FBRSL1: variants seen among roughly 807,000 people sequenced by gnomAD.
FBRSL1 encodes the protein fibrosin like 1.
FBRSL1 carries 51 observed loss-of-function variants against 89.6 expected under a neutral mutation model. That is an observed-to-expected ratio of 0.57 (90% CI 0.45 to 0.72). The LOEUF (loss-of-function observed/expected upper bound fraction) is 0.72, where lower values mean the gene tolerates loss of function less well. Ranked by LOEUF, FBRSL1 falls within the 30% of genes least tolerant of loss-of-function variation. The pLI is 0.00. For missense variants in FBRSL1, 1,618 were observed against 1,451.8 expected, an observed-to-expected ratio of 1.11 and a Z score of -1.86; for synonymous variants, 779 against 681.1, an observed-to-expected ratio of 1.14 and a Z score of -2.24.
At chr12:132,565,380 A>T (rs2039523672) in intron 5 of FBRSL1, 1 of 152,220 alleles carries the variant, frequency 6.6e-6, no homozygotes, top group South Asian at 2.1e-4. Flanking sequence ...CTACGTAAAC[A>T]CACATGTGAT....
rs374867877 is a variant in FBRSL1 at position 132,513,460 on chromosome 12, G to A, written c.489+5110G>A. ...GGGGATCTGGGGGAGGCTGCCCGCT[G>A]CCCGACTACAGAGACCCTGTTGCTG... On this transcript the variant is annotated intron_variant, in intron 2 of 18. Transcript: ENST00000680143. Among the ~76,000 whole-genome samples the A allele has an allele frequency of 1.6e-4, 24 of 152,260 alleles. No individual in the cohort carries two copies. The East Asian group carries it at 4.1e-3, about 26-fold the overall frequency.
chr12:132,572,410 G>GT, intron 10 of FBRSL1, 66 bp downstream of exon 10: 2 of 1,526,348 alleles, frequency 1.3e-6, no homozygotes, highest in Non-Finnish European at 1.8e-6. Flanking sequence ...GGGGCGGTGG[G>GT]TGGGGCTGCC....
chr12:132,566,988 C>T (rs1040606538), intron 5 of FBRSL1, among the ~76,000 whole-genome samples: 8 of 152,224 alleles, frequency 5.3e-5, no homozygotes, highest in Admixed American at 2.0e-4. Context: ...CCAGCCTGGT[C>T]GGTATCCTGG....
chr12:132,527,008 C>T (rs1410007045), intron 3 of FBRSL1, among the ~76,000 whole-genome samples: 2 of 152,078 alleles, frequency 1.3e-5, no homozygotes, highest in Non-Finnish European at 2.9e-5. Context: ...GAGGGATCCC[C>T]ACCAGAGGTG....
chr12:132,561,298 G>A (rs942899447), intron 5 of FBRSL1, among the ~76,000 whole-genome samples: 7 of 152,212 alleles, frequency 4.6e-5, no homozygotes, highest in Admixed American at 3.3e-4. Context: ...CGGCCCGTGC[G>A]GAAGACCCTC....
intron 2 of FBRSL1, among the ~76,000 whole-genome samples, chr12:132,519,312 G>T (rs980024722): frequency 1.3e-5 from 2 of 152,220 alleles, no homozygotes; most frequent in Admixed American, 1.3e-4. Context: ...AGCCTGGTTG[G>T]CATGTGGAGT....
intron 2 of FBRSL1, among the ~76,000 whole-genome samples, chr12:132,525,050 G>T (rs1357789731): frequency 2.0e-5 from 3 of 152,114 alleles, no homozygotes; most frequent in African/African-American, 7.2e-5. Context: ...GGTGTCAGGG[G>T]TGGTGGCGGT....
chr12:132,551,546 C>G (rs1224771619), intron 5 of FBRSL1: 6 of 456,206 alleles, frequency 1.3e-5, no homozygotes, highest in Non-Finnish European at 2.6e-5. Flanking sequence ...CATCCCACAC[C>G]TGCGGGTTTG....
At chr12:132,492,331 C>G (rs1474715697) in intron 1 of FBRSL1, among the ~76,000 whole-genome samples, 1 of 152,144 alleles carries the variant, frequency 6.6e-6, no homozygotes, top group African/African-American at 2.4e-5. Context: ...TGAAGTGGTG[C>G]CCCCCACCCC....
At position 132,572,051 on chromosome 12, in the gene FBRSL1, G is replaced by A. The variant is rs75134891; in HGVS notation, c.1378-237G>A. 5.5e-3 allele frequency: 3,097 copies of A among 565,384 alleles called. 55 individuals carry two copies. The highest frequency in any genetic ancestry group is 0.049 in the African/African-American group (2,565 of 52,812). 35.0% of individuals were successfully genotyped at this position (565,384 alleles called of 1,614,324 possible). Reference sequence around the variant, plus strand: ...GGCACACAGACTGCCTGGGGGGGCCGAGTTCCCACCCCATGCAAGGGGACC... The same window carrying A: ...GGCACACAGACTGCCTGGGGGGGCCAAGTTCCCACCCCATGCAAGGGGACC... On this transcript the variant is annotated intron_variant, in intron 9 of 18. Coordinates refer to ENST00000680143, the MANE Select transcript of FBRSL1 (RefSeq NM_001367871.1).
In FBRSL1 at chr12:132,570,502, T is replaced by C; in HGVS notation, c.1175T>C (p.Leu392Pro). 1 of 1,526,608 alleles carries C rather than the reference T, an allele frequency of 6.6e-7. No homozygotes were observed. The highest frequency in any genetic ancestry group is 2.0e-5 in the Admixed American group (1 of 50,220). The allele number at this position is 1,526,608 out of a possible 1,614,324, so 94.6% of individuals were successfully genotyped here. The change falls in exon 8 of 19, where the codon CTG becomes CCG. Residue 392 changes from leucine (L) to proline (P), a missense_variant. Leu to Pro is a moderately conservative substitution (Grantham distance 98). Transcript: ENST00000680143. ...APPTLPPPPA[L>P]PASSLVLPGH... ...CCGACACTGCCCCCGCCCCCGGCGCTGCCGGCCAGCAGCCTGGTCCTCCCA... is the reference window on the plus strand; with the variant it reads ...CCGACACTGCCCCCGCCCCCGGCGCCGCCGGCCAGCAGCCTGGTCCTCCCA...
At chr12:132,511,111 C>T (rs1566118762) in intron 2 of FBRSL1, 13 of 985,538 alleles carry the variant, frequency 1.3e-5, no homozygotes, top group Non-Finnish European at 1.6e-5. Flanking sequence ...TGGTGTCCAC[C>T]TCCAGGGCCC....
At chr12:132,513,201 G>A (rs565536758) in intron 2 of FBRSL1, among the ~76,000 whole-genome samples, 1 of 152,376 alleles carries the variant, frequency 6.6e-6, no homozygotes, top group South Asian at 2.1e-4. Context: ...AGAAGATGCA[G>A]CTGTGGGCCT....
intron 4 of FBRSL1, among the ~76,000 whole-genome samples, chr12:132,533,285 G>A (rs1360754597): frequency 4.2e-5 from 5 of 119,668 alleles, no homozygotes; most frequent in Admixed American, 8.9e-5. Flanking sequence ...GTCTCCTCCT[G>A]ACCCAGCCTC....
At chr12:132,572,717 A>C in intron 11 of FBRSL1, 95 bp downstream of exon 11, 1 of 873,156 alleles carries the variant, frequency 1.1e-6, no homozygotes, top group Non-Finnish European at 1.8e-6. Flanking sequence ...GCCCACAACC[A>C]CCCCCCTTTC....
chr12:132,526,304 G>T (rs1012897307), intron 3 of FBRSL1, among the ~76,000 whole-genome samples: 1 of 152,210 alleles, frequency 6.6e-6, no homozygotes, highest in Non-Finnish European at 1.5e-5. Context: ...TCATTTAAAT[G>T]AAGGCCTCAC....
chr12:132,576,585 G>A (rs2040397215), intron 14 of FBRSL1, among the ~76,000 whole-genome samples: 1 of 152,240 alleles, frequency 6.6e-6, no homozygotes. Flanking sequence ...ACGTACCACA[G>A]TTCAGAGGAC....
intron 4 of FBRSL1, among the ~76,000 whole-genome samples, chr12:132,538,702 G>C (rs542400600): frequency 6.6e-6 from 1 of 152,350 alleles, no homozygotes; most frequent in African/African-American, 2.4e-5. Context: ...TGGAGGCTGT[G>C]GCTGTTGGCT....
intron 1 of FBRSL1, among the ~76,000 whole-genome samples, chr12:132,492,924 G>C (rs1226801729): frequency 6.6e-6 from 1 of 152,324 alleles, no homozygotes; most frequent in Middle Eastern, 3.4e-3. Context: ...TTTCCCCAAA[G>C]TTCAGATAAT....
Sources: gnomAD v4.1 joint callset for allele counts (sites outside exome capture counted in the v4.1 genomes callset) on GRCh38, gnomAD v4.1.1 for gene constraint, MANE v1.5 for transcripts, NCBI Gene and HGNC (gene_info 2026-07-23, HGNC 2026-07-21) for gene names.